DLG1: variants seen among roughly 807,000 people sequenced by gnomAD.
DLG1 encodes disks large homolog 1.
In DLG1, 42 loss-of-function variants were observed where a neutral mutation model predicts 123.4. That is an observed-to-expected ratio of 0.34 (90% CI 0.27 to 0.44). The LOEUF is 0.44. Ranked by LOEUF, DLG1 falls within the 20% of genes least tolerant of loss-of-function variation. DLG1 has a pLI of 1.00. For missense variants in DLG1, 942 were observed against 1,082.6 expected (o/e 0.87, Z 1.82); for synonymous variants, 317 against 356.2 (o/e 0.89, Z 1.24).
At chr3:197,282,651 C>A in intron 4 of DLG1, 28 bp downstream of exon 4, 2 of 1,444,708 alleles carry the variant, frequency 1.4e-6, no homozygotes, top group South Asian at 1.7e-5. Context: ...CACCAAAAAA[C>A]AGCTTCAGAA....
At chr3:197,189,796 G>A (rs752331113) in intron 5 of DLG1, among the ~76,000 whole-genome samples, 1 of 152,102 alleles carries the variant, frequency 6.6e-6, no homozygotes, top group African/African-American at 2.4e-5. Flanking sequence ...TTAACAAAAC[G>A]TGTCAGGAAA....
intron 4 of DLG1, among the ~76,000 whole-genome samples, chr3:197,229,851 A>C (rs1184813452): frequency 6.6e-6 from 1 of 152,234 alleles, no homozygotes; most frequent in Admixed American, 6.5e-5. Context: ...TACCTTACTT[A>C]ATCCAAATAT....
At chr3:197,053,772 C>CAGA (rs1437511542) in intron 23 of DLG1, among the ~76,000 whole-genome samples, 1 of 66,006 alleles carries the variant, frequency 1.5e-5, no homozygotes. Flanking sequence ...GACCCTGTCT[C>CAGA]ATAAAAAAAA....
At chr3:197,095,252 C>G (rs192622813) in intron 14 of DLG1, among the ~76,000 whole-genome samples, 20 of 152,162 alleles carry the variant, frequency 1.3e-4, no homozygotes, top group African/African-American at 4.8e-4. Context: ...TATATAACTA[C>G]AAAACCATCA....
chr3:197,099,035 G>A (rs920916364), intron 14 of DLG1, among the ~76,000 whole-genome samples: 3 of 151,634 alleles, frequency 2.0e-5, no homozygotes, highest in Admixed American at 6.6e-5. Context: ...GTATATTTTC[G>A]TAAATACTCC....
At chr3:197,158,615 C>A (rs1797419800) in intron 5 of DLG1, among the ~76,000 whole-genome samples, 1 of 93,550 alleles carries the variant, frequency 1.1e-5, no homozygotes, top group African/African-American at 4.3e-5. Flanking sequence ...GCCTGGGTAA[C>A]AAGAGCAAAA....
At chr3:197,165,223 T>G (rs769542341) in intron 5 of DLG1, among the ~76,000 whole-genome samples, 51 of 152,146 alleles carry the variant, frequency 3.4e-4, no homozygotes, top group Non-Finnish European at 6.2e-4. Context: ...GGATGGGAGA[T>G]CCATTGTGAA....
At chr3:197,065,123 C>T (rs956645886) in intron 22 of DLG1, among the ~76,000 whole-genome samples, 153 bp downstream of exon 22, 17 of 150,392 alleles carry the variant, frequency 1.1e-4, no homozygotes, top group African/African-American at 4.2e-4. Flanking sequence ...ATCTTGTATG[C>T]ACTTTCCTAA....
chr3:197,119,619 G>A, intron 11 of DLG1, 89 bp from the exon 12 acceptor site: 1 of 1,235,386 alleles, frequency 8.1e-7, no homozygotes, highest in Non-Finnish European at 1.1e-6. Flanking sequence ...TAATTTATAT[G>A]CACTCCTTTA....
intron 17 of DLG1, among the ~76,000 whole-genome samples, chr3:197,079,191 A>G (rs1279714363): frequency 6.6e-6 from 1 of 152,162 alleles, no homozygotes. Context: ...CTATATCGCA[A>G]GAGAGACAGT....
At chr3:197,075,758 G>C in intron 18 of DLG1, 3 of 1,303,816 alleles carry the variant, frequency 2.3e-6, no homozygotes, top group South Asian at 1.3e-5. Flanking sequence ...GCACTACCAT[G>C]AATCTCAAAA....
At chr3:197,092,755 G>C (rs1758453115) in intron 14 of DLG1, among the ~76,000 whole-genome samples, 2 of 152,128 alleles carry the variant, frequency 1.3e-5, no homozygotes, top group Non-Finnish European at 2.9e-5. Flanking sequence ...CTCTCGCTTT[G>C]GCCTCTCACA....
Position 197,103,281 on chromosome 3 carries a change from G to A in DLG1, c.1546+1622C>T, listed in dbSNP as rs111262370. Reference sequence around the variant, plus strand: ...GGGTAGGAGCATGCGTGTATGTTTTGTTTTTCTTACTGCTTTTGTGTGTTC... The same window carrying A: ...GGGTAGGAGCATGCGTGTATGTTTTATTTTTCTTACTGCTTTTGTGTGTTC... On this transcript the variant is annotated intron_variant, in intron 14 of 24. Coordinates refer to ENST00000667157, the MANE Select transcript of DLG1 (RefSeq NM_001366207.1). 8.1e-3 allele frequency among the ~76,000 whole-genome samples: 1,238 copies of A among 152,168 alleles called. 13 individuals are homozygous for A. Among genetic ancestry groups the A allele is most frequent in the African/African-American group, 0.027 (1,129 of 41,482 alleles).
At chr3:197,064,481 C>T (rs1220451756) in intron 22 of DLG1, among the ~76,000 whole-genome samples, 1 of 152,224 alleles carries the variant, frequency 6.6e-6, no homozygotes, top group South Asian at 2.1e-4. Flanking sequence ...GCGTGAGCCA[C>T]CGCACCCGGC....
intron 13 of DLG1, among the ~76,000 whole-genome samples, chr3:197,107,500 G>A (rs974760381): frequency 6.6e-6 from 1 of 151,846 alleles, no homozygotes; most frequent in African/African-American, 2.4e-5. Context: ...AACAGAGATT[G>A]CGCCACTGCA....
chr3:197,278,345 A>G (rs922035359), intron 4 of DLG1, among the ~76,000 whole-genome samples: 4 of 148,600 alleles, frequency 2.7e-5, no homozygotes, highest in African/African-American at 9.9e-5. Context: ...TGGTGCACAC[A>G]TGTAGGCCCA....
intron 6 of DLG1, among the ~76,000 whole-genome samples, chr3:197,144,848 A>T (rs1338156377): frequency 6.6e-6 from 1 of 151,982 alleles, no homozygotes; most frequent in African/African-American, 2.4e-5. Context: ...TTGGGATTTC[A>T]CTCTGTTACC....
chr3:197,052,372 T>C (rs1728466618), intron 23 of DLG1, among the ~76,000 whole-genome samples: 1 of 152,040 alleles, frequency 6.6e-6, no homozygotes, highest in Non-Finnish European at 1.5e-5. Context: ...GGAGAATCGC[T>C]TGAACCCAGG....
intron 4 of DLG1, among the ~76,000 whole-genome samples, chr3:197,238,575 T>C (rs1298584048): frequency 6.6e-6 from 1 of 152,212 alleles, no homozygotes; most frequent in Non-Finnish European, 1.5e-5. Flanking sequence ...CTAAGGGATC[T>C]GTGAGACACC....
Sources: gnomAD v4.1 joint callset for allele counts (sites outside exome capture counted in the v4.1 genomes callset) on GRCh38, gnomAD v4.1.1 for gene constraint, MANE v1.5 for transcripts, NCBI Gene and HGNC (gene_info 2026-07-23, HGNC 2026-07-21) for gene names.